Variants in CPQ observed in about 807,000 individuals in gnomAD.
CPQ encodes Ser-Met dipeptidase.
In CPQ, 37 loss-of-function variants were observed where a neutral mutation model predicts 45.7. That is an observed-to-expected ratio of 0.81 (90% CI 0.62 to 1.07). CPQ has a LOEUF of 1.07. CPQ is among the 50% of genes least tolerant of loss of function. The pLI is 0.00. For missense variants in CPQ, 537 were observed against 572.9 expected, an observed-to-expected ratio of 0.94 and a Z score of 0.64; for synonymous variants, 186 against 205.8, an observed-to-expected ratio of 0.90 and a Z score of 0.82.
intron 1 of CPQ, among the ~76,000 whole-genome samples, chr8:96,777,760 A>ATT (rs1163639654): frequency 7.1e-4 from 10 of 14,062 alleles, no homozygotes; most frequent in African/African-American, 2.7e-3. Context: ...ATATATATAT[A>ATT]TTTTTTTTTT....
At chr8:96,818,237 C>T (rs1361000159) in intron 2 of CPQ, among the ~76,000 whole-genome samples, 1 of 151,890 alleles carries the variant, frequency 6.6e-6, no homozygotes, top group Non-Finnish European at 1.5e-5. Context: ...TGTGTTCTGA[C>T]TGCTCCATCA....
intron 7 of CPQ, among the ~76,000 whole-genome samples, chr8:97,094,894 T>A (rs552689628): frequency 6.6e-6 from 1 of 152,280 alleles, no homozygotes; most frequent in Non-Finnish European, 1.5e-5. Flanking sequence ...CCACCAGGAT[T>A]ACCTTCCCAA....
intron 3 of CPQ, among the ~76,000 whole-genome samples, chr8:96,869,000 C>A (rs2130872697): frequency 6.6e-6 from 1 of 152,008 alleles, no homozygotes; most frequent in South Asian, 2.1e-4. Flanking sequence ...TCAGTATTAT[C>A]ATATAAATAA....
chr8:96,785,236 G>A lies in CPQ; in HGVS notation c.339G>A (p.Trp113Ter). Residue 113 changes from tryptophan to a stop codon, truncating the protein, a stop_gained, in exon 2 of 8, where the codon TGG (tryptophan) becomes TGA (stop). Coordinates refer to ENST00000220763, the MANE Select transcript of CPQ (RefSeq NM_016134.4). LOFTEE classifies it high-confidence loss of function. ...TGGAGCCAGTGAGAATACCCCACTG[G>A]GAGAGGGGAGAAGAATCAGCTGTGA... ...VHLEPVRIPH[W>*]ERGEESAVML... is the part of the protein sequence containing the mutation. 1.9e-6 allele frequency: 3 copies of A among 1,613,524 alleles called. No individual in the cohort carries two copies. Among genetic ancestry groups the A allele is most frequent in the Non-Finnish European group, 2.5e-6 (3 of 1,179,728 alleles).
Position 96,698,512 on chromosome 8 carries a change from G to A in CPQ, c.-35+53110G>A, listed in dbSNP as rs538701884. Among the ~76,000 whole-genome samples, 4 of 152,112 alleles carry A rather than the reference G, an allele frequency of 2.6e-5. No homozygotes were observed. In the South Asian group the frequency reaches 8.3e-4, roughly 32 times the overall value. ...AAATTGACAGATGGAATCACAGTAA[G>A]TCAAAATGCTTGTGCATAGCAAAGG... On this transcript the variant is annotated intron_variant, in intron 1 of 7. Coordinates refer to ENST00000220763, the MANE Select transcript of CPQ (RefSeq NM_016134.4).
intron 5 of CPQ, among the ~76,000 whole-genome samples, chr8:96,987,061 T>C (rs1808998672): frequency 6.6e-6 from 1 of 152,084 alleles, no homozygotes; most frequent in African/African-American, 2.4e-5. Flanking sequence ...GTGTGCATCT[T>C]TCAAATCCCT....
intron 7 of CPQ, chr8:97,093,015 A>G (rs1436879489): frequency 1.3e-5 from 2 of 152,198 alleles, no homozygotes; most frequent in Non-Finnish European, 2.9e-5. Context: ...AAAGACATGA[A>G]CAGACACTTC....
intron 5 of CPQ, among the ~76,000 whole-genome samples, chr8:97,021,897 A>G (rs1461337563): frequency 1.3e-5 from 2 of 152,072 alleles, no homozygotes; most frequent in Non-Finnish European, 2.9e-5. Context: ...AAATACATAC[A>G]GAACCAAAAA....
At chr8:96,866,274 C>G (rs1811994253) in intron 3 of CPQ, among the ~76,000 whole-genome samples, 1 of 151,950 alleles carries the variant, frequency 6.6e-6, no homozygotes, top group Admixed American at 6.6e-5. Context: ...GTAAATATGC[C>G]TCGTCACAGG....
intron 4 of CPQ, among the ~76,000 whole-genome samples, chr8:96,935,992 C>T (rs966317133): frequency 3.3e-5 from 5 of 151,870 alleles, no homozygotes; most frequent in African/African-American, 1.2e-4. Flanking sequence ...ATGAACATAA[C>T]CAATGTCTTA....
At chr8:96,792,182 C>G (rs1407747663) in intron 2 of CPQ, among the ~76,000 whole-genome samples, 2 of 152,154 alleles carry the variant, frequency 1.3e-5, no homozygotes, top group Admixed American at 1.3e-4. Flanking sequence ...GGCAGATATA[C>G]AAGCAGGCCA....
rs182611477 is a variant in CPQ at position 96,897,059 on chromosome 8, T to C, written c.849+17054T>C. Among the ~76,000 whole-genome samples, 159 of 152,300 alleles carry C rather than the reference T, an allele frequency of 1.0e-3. 1 individual carries two copies. The highest frequency in any genetic ancestry group is 3.3e-3 in the African/African-American group (136 of 41,550). On this transcript the variant is annotated intron_variant, in intron 4 of 7. Coordinates refer to ENST00000220763, the MANE Select transcript of CPQ (RefSeq NM_016134.4). ...GTTATCACATGCTACTCTATTAAAA[T>C]TGAGGCAGTATTATCATACTTTGTT...
intron 6 of CPQ, among the ~76,000 whole-genome samples, chr8:97,060,652 T>C (rs1026957530): frequency 6.6e-6 from 1 of 152,154 alleles, no homozygotes; most frequent in Non-Finnish European, 1.5e-5. Flanking sequence ...ATCTCAGCAA[T>C]AAAGCATTCA....
chr8:97,112,126 T>C (rs1018172671), intron 7 of CPQ, among the ~76,000 whole-genome samples: 8 of 151,610 alleles, frequency 5.3e-5, no homozygotes, highest in Middle Eastern at 3.2e-3. Context: ...AAAAAGTATT[T>C]AATGCCTTAT....
At chr8:96,943,990 T>C (rs2130327033) in intron 4 of CPQ, among the ~76,000 whole-genome samples, 1 of 152,312 alleles carries the variant, frequency 6.6e-6, no homozygotes, top group Admixed American at 6.5e-5. Context: ...GATCATAATA[T>C]GTCTCTGGCA....
intron 7 of CPQ, among the ~76,000 whole-genome samples, chr8:97,081,035 T>C (rs925355336): frequency 3.3e-5 from 5 of 152,168 alleles, no homozygotes; most frequent in African/African-American, 1.2e-4. Context: ...TAGCGTGGAC[T>C]TCACCAATAC....
intron 1 of CPQ, among the ~76,000 whole-genome samples, chr8:96,779,372 T>G (rs1167508877): frequency 6.6e-6 from 1 of 152,184 alleles, no homozygotes; most frequent in Non-Finnish European, 1.5e-5. Context: ...TATTTGCCTC[T>G]TAGACTGCAT....
intron 1 of CPQ, among the ~76,000 whole-genome samples, chr8:96,698,951 A>C (rs374862949): frequency 1.3e-5 from 2 of 152,196 alleles, no homozygotes; most frequent in Non-Finnish European, 2.9e-5. Context: ...AAATAGAGCT[A>C]CCATAAGATC....
At chr8:96,670,729 C>A (rs1302365267) in intron 1 of CPQ, among the ~76,000 whole-genome samples, 1 of 152,016 alleles carries the variant, frequency 6.6e-6, no homozygotes. Context: ...TAGGCAATGA[C>A]CTGGAAGAAT....
Sources: allele counts gnomAD v4.1 joint callset (sites outside exome capture counted in the v4.1 genomes callset), GRCh38; gene constraint gnomAD v4.1.1; transcripts MANE v1.5; gene names NCBI Gene and HGNC (gene_info 2026-07-23, HGNC 2026-07-21).